SLC18B1: variants seen among roughly 807,000 people sequenced by gnomAD.
SLC18B1 encodes the protein MFS-type transporter SLC18B1.
A neutral mutation model predicts 53.9 loss-of-function variants in SLC18B1; 62 were observed. The observed-to-expected ratio is 1.15, with a 90% CI of 0.94 to 1.42. The LOEUF is 1.42. Ranked by LOEUF, SLC18B1 falls within the 40% of genes most tolerant of loss-of-function variation. SLC18B1 has a pLI of 0.00. For missense variants in SLC18B1, 598 were observed against 547.3 expected, an observed-to-expected ratio of 1.09 and a Z score of -0.93; for synonymous variants, 217 against 200.9, an observed-to-expected ratio of 1.08 and a Z score of -0.68.
At chr6:132,770,412 C>G in intron 13 of SLC18B1, 76 bp from the exon 14 acceptor site, 1 of 1,234,066 alleles carries the variant, frequency 8.1e-7, no homozygotes, top group Non-Finnish European at 1.2e-6. Context: ...AAAACCAGTA[C>G]CTGTATCTCC....
intron 6 of SLC18B1, among the ~76,000 whole-genome samples, chr6:132,782,606 T>C (rs774856174): frequency 6.6e-5 from 10 of 152,050 alleles, no homozygotes; most frequent in Non-Finnish European, 1.0e-4. Flanking sequence ...TGAGCAGATA[T>C]AATGAATGAC....
intron 1 of SLC18B1, 49 bp downstream of exon 1, chr6:132,798,365 G>A: frequency 6.7e-7 from 1 of 1,493,320 alleles, no homozygotes; most frequent in African/African-American, 1.4e-5. Context: ...GAGACACGCC[G>A]GAAGCCGCCG....
intron 5 of SLC18B1, among the ~76,000 whole-genome samples, chr6:132,785,042 TAAA>T (rs57970706): frequency 7.5e-5 from 10 of 133,406 alleles, no homozygotes; most frequent in Admixed American, 1.5e-4. Flanking sequence ...CCTGTCCAGT[TAAA>T]AAAAAAAAAA....
At chr6:132,790,074 C>T (rs1781484395) in intron 3 of SLC18B1, 103 bp downstream of exon 3, 7 of 868,126 alleles carry the variant, frequency 8.1e-6, no homozygotes, top group African/African-American at 1.7e-5. Flanking sequence ...AAAACTATAA[C>T]GATGGCTATT....
At chr6:132,778,074 T>C (rs954379465) in intron 7 of SLC18B1, among the ~76,000 whole-genome samples, 6 of 152,094 alleles carry the variant, frequency 3.9e-5, no homozygotes, top group Non-Finnish European at 4.4e-5. Flanking sequence ...TTAAAGGTGG[T>C]TATCTCTTGC....
rs1781758060 is a variant in SLC18B1 at position 132,798,503 on chromosome 6, G to T, written c.-47C>A. 1.4e-6 allele frequency: 2 copies of T among 1,440,594 alleles called. No homozygotes were observed. Among genetic ancestry groups the T allele is most frequent in the African/African-American group, 1.5e-5 (1 of 68,354 alleles). The allele number at this position is 1,440,594 out of a possible 1,614,324, so 89.2% of individuals were successfully genotyped here. On this transcript the variant is annotated 5_prime_UTR_variant, in exon 1 of 14. Transcript: ENST00000275227. ...GCCCCAGCTCCCGGCTTCAAGCCAC[G>T]TCCTTGGACTCGACCTCCAAGGAGC...
chr6:132,776,218 T>A, intron 8 of SLC18B1, 110 bp downstream of exon 8: 1 of 809,788 alleles, frequency 1.2e-6, no homozygotes, highest in Non-Finnish European at 2.0e-6. Flanking sequence ...ATCAGTCCAA[T>A]TGAATATATC....
chr6:132,773,011 T>C lies in SLC18B1; in HGVS notation c.1067A>G (p.Glu356Gly). The change falls in exon 10 of 14, where the codon GAA (glutamate) becomes GGA (glycine). Residue 356 changes from glutamate to glycine, a missense_variant. Glu to Gly is a moderately conservative substitution (Grantham distance 98). Transcript: ENST00000275227. ...AGMSIIPTFP[E>G]ILSCAHENGF... ...AACTTACTGTGCACAACTGAGAATTTCCGGGAAAGTTGGAATTATACTCAT... is the reference window on the plus strand; with the variant it reads ...AACTTACTGTGCACAACTGAGAATTCCCGGGAAAGTTGGAATTATACTCAT... 1 of 1,613,596 alleles carries C rather than the reference T, an allele frequency of 6.2e-7. No individual in the cohort carries two copies. The highest frequency in any genetic ancestry group is 8.5e-7 in the Non-Finnish European group (1 of 1,179,626).
intron 2 of SLC18B1, among the ~76,000 whole-genome samples, chr6:132,794,414 T>C (rs1047307658): frequency 2.6e-5 from 4 of 151,972 alleles, no homozygotes; most frequent in Non-Finnish European, 5.9e-5. Flanking sequence ...TTATTATTGT[T>C]ATTATTATTA....
intron 6 of SLC18B1, among the ~76,000 whole-genome samples, chr6:132,782,305 T>C (rs1781259360): frequency 6.6e-6 from 1 of 152,208 alleles, no homozygotes; most frequent in Non-Finnish European, 1.5e-5. Context: ...TGCCTATATT[T>C]ATGGTATAAA....
chr6:132,788,722 T>G (rs1264631664), intron 4 of SLC18B1, among the ~76,000 whole-genome samples: 3 of 151,038 alleles, frequency 2.0e-5, no homozygotes, highest in African/African-American at 7.3e-5. Flanking sequence ...ATTTGGAAGG[T>G]TGAGGCAAGA....
At chr6:132,787,624 C>A in intron 4 of SLC18B1, 43 bp from the exon 5 acceptor site, 8 of 1,212,500 alleles carry the variant, frequency 6.6e-6, no homozygotes, top group Non-Finnish European at 8.7e-6. Flanking sequence ...AGCTGGTTTT[C>A]TTTTTTTTTT....
At chr6:132,776,804 G>A (rs1781111028) in intron 7 of SLC18B1, among the ~76,000 whole-genome samples, 1 of 152,190 alleles carries the variant, frequency 6.6e-6, no homozygotes, top group African/African-American at 2.4e-5. Flanking sequence ...TTCAGAAAAA[G>A]AGGAAAATAA....
At position 132,784,010 on chromosome 6, in the gene SLC18B1, T is replaced by C. The variant is rs1343966312; in HGVS notation, c.581A>G (p.Tyr194Cys). ...VGGFLYQSFG[Y>C]EVPFIVLGCV... Reference sequence around the variant, plus strand: ...TCCCAGAACAATAAAAGGCACTTCATAGCCAAAGGATTGATACAAAAAGCC... The same window carrying C: ...TCCCAGAACAATAAAAGGCACTTCACAGCCAAAGGATTGATACAAAAAGCC... The change falls in exon 6 of 14, where the codon TAT (tyrosine) becomes TGT (cysteine). Residue 194 changes from tyrosine (Y) to cysteine (C), a missense_variant. By Grantham distance (194) the Tyr-to-Cys change is radical. Transcript: ENST00000275227. 1.2e-6 allele frequency: 2 copies of C among 1,611,500 alleles called. No homozygotes were observed. Among genetic ancestry groups the C allele is most frequent in the Non-Finnish European group, 8.5e-7 (1 of 1,179,004 alleles).
At chr6:132,775,819 T>A (rs1428293620) in intron 8 of SLC18B1, among the ~76,000 whole-genome samples, 4 of 152,240 alleles carry the variant, frequency 2.6e-5, no homozygotes, top group Non-Finnish European at 5.9e-5. Flanking sequence ...ATCTCTCAAT[T>A]TGATCAAGTC....
At chr6:132,774,785 T>A (rs1377117133) in intron 8 of SLC18B1, among the ~76,000 whole-genome samples, 1 of 151,728 alleles carries the variant, frequency 6.6e-6, no homozygotes, top group African/African-American at 2.4e-5. Flanking sequence ...GTGGTGGACA[T>A]CTGTAATCCC....
chr6:132,773,387 A>G (rs1781024831), intron 9 of SLC18B1, among the ~76,000 whole-genome samples: 1 of 152,144 alleles, frequency 6.6e-6, no homozygotes, highest in African/African-American at 2.4e-5. Flanking sequence ...ACCAGACAAA[A>G]TCCCTTCAAA....
rs528217595 is a variant in SLC18B1, at chr6:132,779,969, G to A, written c.659-565C>T. On this transcript the variant is annotated intron_variant, in intron 6 of 13. Transcript: ENST00000275227. Reference sequence around the variant, plus strand: ...TATTCACTCCCATGAGAACAGTATGGGGGAAATCACTCCCATGAATTAATT... The same window carrying A: ...TATTCACTCCCATGAGAACAGTATGAGGGAAATCACTCCCATGAATTAATT... Among the ~76,000 whole-genome samples, 311 of 152,192 alleles carry A rather than the reference G, an allele frequency of 2.0e-3. 1 individual carries two copies. Among genetic ancestry groups the A allele is most frequent in the African/African-American group, 7.3e-3 (302 of 41,524 alleles).
At chr6:132,793,836 A>C (rs917005378) in intron 2 of SLC18B1, among the ~76,000 whole-genome samples, 5 of 152,210 alleles carry the variant, frequency 3.3e-5, no homozygotes, top group African/African-American at 9.6e-5. Flanking sequence ...AGTCCTCGGT[A>C]AGACTTCTGA....
Sources: gnomAD v4.1 joint callset for allele counts (sites outside exome capture counted in the v4.1 genomes callset) on GRCh38, gnomAD v4.1.1 for gene constraint, MANE v1.5 for transcripts, NCBI Gene and HGNC (gene_info 2026-07-23, HGNC 2026-07-21) for gene names.